The following MCPH1 variants were observed in gnomAD, a reference collection of about 807,000 sequenced individuals.
MCPH1 encodes microcephalin.
MCPH1 carries 104 observed loss-of-function variants against 84.5 expected under a neutral mutation model. The ratio of observed to expected loss-of-function variants is 1.23; its 90% confidence interval spans 1.05 to 1.45. The LOEUF (loss-of-function observed/expected upper bound fraction) is 1.45, where lower values mean the gene tolerates loss of function less well. Among genes scored for constraint, MCPH1 ranks in the 40% most tolerant of loss-of-function variants. The probability of loss-of-function intolerance (pLI) is 0.00; values close to 1 mark genes in which losing one functional copy is unlikely to be tolerated. For synonymous variants in MCPH1, 514 were observed against 366.8 expected (o/e 1.40, Z -4.58); for missense variants, 1,498 against 1,005.7 (o/e 1.49, Z -6.62).
At chr8:6,566,933 G>A (rs1403056280) in intron 12 of MCPH1, among the ~76,000 whole-genome samples, 1 of 148,796 alleles carries the variant, frequency 6.7e-6, no homozygotes, top group Non-Finnish European at 1.5e-5. Flanking sequence ...AGTGCACGCG[G>A]TGCGGTGACC....
chr8:6,513,489 C>T (rs1417844986), intron 12 of MCPH1, among the ~76,000 whole-genome samples: 7 of 152,078 alleles, frequency 4.6e-5, no homozygotes, highest in Non-Finnish European at 5.9e-5. Context: ...CCCACCACCA[C>T]ACCTGGCTAA....
At chr8:6,579,318 T>C (rs1349290475) in intron 12 of MCPH1, among the ~76,000 whole-genome samples, 2 of 152,188 alleles carry the variant, frequency 1.3e-5, no homozygotes, top group Admixed American at 1.3e-4. Flanking sequence ...TCCATTTGAC[T>C]AATTATCAAA....
rs3816402 is a variant in MCPH1 at position 6,436,345 on chromosome 8, C to T, written c.436+183C>T. ...ACTTGGCTGGGAGCCATAATAGAGC[C>T]ACGCAGCTTGAGCTAATCGACCACA... is the stretch of plus-strand genomic sequence containing the variant. On this transcript the variant is annotated intron_variant, in intron 5 of 13. Transcript: ENST00000344683. 0.22 allele frequency among the ~76,000 whole-genome samples: 33,507 copies of T among 152,198 alleles called. 4,293 individuals carry two copies. The highest frequency in any genetic ancestry group is 0.36 in the African/African-American group (14,780 of 41,506).
At chr8:6,433,444 C>G (rs1188350782) in intron 4 of MCPH1, among the ~76,000 whole-genome samples, 1 of 151,890 alleles carries the variant, frequency 6.6e-6, no homozygotes, top group Non-Finnish European at 1.5e-5. Flanking sequence ...AGCAGCCTGG[C>G]CAACATGGCG....
chr8:6,424,818 C>G (rs931578278), intron 3 of MCPH1, among the ~76,000 whole-genome samples: 2 of 152,230 alleles, frequency 1.3e-5, no homozygotes, highest in Non-Finnish European at 2.9e-5. Flanking sequence ...GTGCAGACTT[C>G]TCTGAGTCTC....
chr8:6,521,361 G>A, intron 12 of MCPH1: 1 of 1,613,604 alleles, frequency 6.2e-7, no homozygotes, highest in Non-Finnish European at 8.5e-7. Context: ...ATTGACTGTA[G>A]TTGGATGATG....
At chr8:6,611,227 T>A (rs1563186538) in intron 12 of MCPH1, among the ~76,000 whole-genome samples, 2 of 152,150 alleles carry the variant, frequency 1.3e-5, no homozygotes, top group Non-Finnish European at 1.5e-5. Context: ...AGACACCAGC[T>A]GAGTGTCCTA....
intron 3 of MCPH1, among the ~76,000 whole-genome samples, chr8:6,417,150 A>G (rs1320697015): frequency 6.6e-6 from 1 of 151,934 alleles, no homozygotes; most frequent in African/African-American, 2.4e-5. Context: ...TCTACATATG[A>G]TTCGTTTTTG....
intron 12 of MCPH1, among the ~76,000 whole-genome samples, chr8:6,537,979 G>C (rs1211642042): frequency 6.6e-6 from 1 of 152,114 alleles, no homozygotes; most frequent in African/African-American, 2.4e-5. Flanking sequence ...TAATTAATCA[G>C]AGGGTCTAAA....
rs566606235 is a variant in MCPH1, at chr8:6,626,320, C to T, written c.2452+4629C>T. On this transcript the variant is annotated intron_variant, in intron 13 of 13. Transcript: ENST00000344683. ...GAGAATTTCATCTGCGCCGCGTTGC[C>T]TAATAACGGGGTTATCGGAAAGGGC... is the stretch of plus-strand genomic sequence containing the variant. The T allele has an allele frequency of 3.0e-6, 3 of 985,306 alleles. No individual in the cohort carries two copies. In the South Asian group the frequency reaches 1.4e-4, roughly 46 times the overall value. 61.0% of individuals were successfully genotyped at this position (985,306 alleles called of 1,614,324 possible).
intron 12 of MCPH1, among the ~76,000 whole-genome samples, chr8:6,612,609 G>A (rs372525071): frequency 6.6e-6 from 1 of 152,228 alleles, no homozygotes; most frequent in East Asian, 1.9e-4. Context: ...CGCTGGTTGC[G>A]GGCCTGCTCC....
At chr8:6,479,162 G>A (rs1004909285) in intron 10 of MCPH1, among the ~76,000 whole-genome samples, 2 of 152,126 alleles carry the variant, frequency 1.3e-5, no homozygotes, top group African/African-American at 4.8e-5. Context: ...AACTACTTGG[G>A]AGGATAAGGC....
intron 11 of MCPH1, among the ~76,000 whole-genome samples, chr8:6,489,683 G>C (rs529075664): frequency 7.2e-5 from 11 of 152,260 alleles, no homozygotes; most frequent in African/African-American, 2.4e-4. Flanking sequence ...CAGAGAGATT[G>C]GTTGGCAGCG....
At chr8:6,625,228 T>C (rs1586854971) in intron 13 of MCPH1, 1 of 985,452 alleles carries the variant, frequency 1.0e-6, no homozygotes, top group Middle Eastern at 5.2e-4. Flanking sequence ...AACAGAGTCA[T>C]AGCCTCCACC....
At chr8:6,617,900 AATCT>A (rs142071946) in intron 12 of MCPH1, among the ~76,000 whole-genome samples, 1,761 of 143,122 alleles carry the variant, frequency 0.012, 15 homozygotes, top group African/African-American at 0.029. Flanking sequence ...CTATCTATCT[AATCT>A]ATCTATCTAT....
At chr8:6,619,904 T>G (rs1391188133) in intron 12 of MCPH1, among the ~76,000 whole-genome samples, 1 of 152,196 alleles carries the variant, frequency 6.6e-6, no homozygotes, top group African/African-American at 2.4e-5. Flanking sequence ...ATAATTAACT[T>G]TTTGAATGTA....
At chr8:6,487,603 C>T (rs79471716) in intron 11 of MCPH1, among the ~76,000 whole-genome samples, 2,298 of 152,302 alleles carry the variant, frequency 0.015, 49 homozygotes, top group African/African-American at 0.052. Context: ...GAAGAATCTT[C>T]AGGGACATTG....
chr8:6,642,681 C>G (rs1052863444), intron 13 of MCPH1: 6 of 446,362 alleles, frequency 1.3e-5, no homozygotes, highest in African/African-American at 4.0e-5. Flanking sequence ...ATGTCACAGA[C>G]TGGCAAGCTT....
chr8:6,513,821 T>C (rs1449557463), intron 12 of MCPH1: 1 of 1,613,476 alleles, frequency 6.2e-7, no homozygotes, highest in Middle Eastern at 1.7e-4. Context: ...CCAGCCAATA[T>C]TCTCCTGAAG....
Sources: gnomAD v4.1 joint callset for allele counts (sites outside exome capture counted in the v4.1 genomes callset) on GRCh38, gnomAD v4.1.1 for gene constraint, MANE v1.5 for transcripts, NCBI Gene and HGNC (gene_info 2026-07-23, HGNC 2026-07-21) for gene names.